Variants in HS3ST1 observed in about 807,000 individuals in gnomAD.
HS3ST1 encodes the protein heparan sulfate-glucosamine 3-sulfotransferase 1, also known as heparan sulfate glucosamine 3-O-sulfotransferase 1.
HS3ST1 carries 8 observed loss-of-function variants against 20.7 expected under a neutral mutation model. The ratio of observed to expected loss-of-function variants is 0.39; its 90% CI spans 0.23 to 0.70. The LOEUF is 0.70. Among genes scored for constraint, HS3ST1 ranks in the 30% least tolerant of loss-of-function variants. The probability of loss-of-function intolerance (pLI) is 0.46; values close to 1 mark genes in which losing one functional copy is unlikely to be tolerated. For synonymous variants in HS3ST1, 205 were observed against 190.4 expected (o/e 1.08, Z -0.63); for missense variants, 436 against 423.4 (o/e 1.03, Z -0.26).
At chr4:11,417,482 T>C (rs1008522771) in intron 1 of HS3ST1, among the ~76,000 whole-genome samples, 34 of 152,286 alleles carry the variant, frequency 2.2e-4, no homozygotes, top group African/African-American at 7.9e-4. Flanking sequence ...TTAAAAATCA[T>C]GGAAGAATAC....
rs1004292464 is a variant in HS3ST1 at position 11,393,796 on chromosome 4, G to A, written c.*5286C>T. The A allele has an allele frequency of 3.9e-5, 6 of 152,218 alleles. No homozygotes were observed. The highest frequency in any genetic ancestry group is 1.9e-4 in the East Asian group (1 of 5,186). 9.4% of individuals were successfully genotyped at this position (152,218 alleles called of 1,614,324 possible). A position where few individuals can be genotyped will look rare whatever the true frequency, so the allele number is the denominator to read the frequency against. ...TCCCACATGGGTCAGTCAATCATTAGTCATGCCCTAACCCTAGGAAAGCAG... is the reference window on the plus strand; with the variant it reads ...TCCCACATGGGTCAGTCAATCATTAATCATGCCCTAACCCTAGGAAAGCAG... On this transcript the variant is annotated 3_prime_UTR_variant, in exon 2 of 2. Transcript: ENST00000002596.
At chr4:11,424,466 G>C (rs143933406) in intron 1 of HS3ST1, among the ~76,000 whole-genome samples, 146 of 152,308 alleles carry the variant, frequency 9.6e-4, no homozygotes, top group African/African-American at 3.3e-3. Flanking sequence ...AGACAGGCCT[G>C]AAGATGAATG....
chr4:11,428,225 G>A (rs1467962947), intron 1 of HS3ST1, among the ~76,000 whole-genome samples: 3 of 152,220 alleles, frequency 2.0e-5, no homozygotes, highest in South Asian at 2.1e-4. Context: ...CCCGACCAAG[G>A]CTTCTCCACC....
At position 11,399,136 on chromosome 4, in the gene HS3ST1, A is replaced by T. The variant is rs1360121288; in HGVS notation, c.870T>A (p.His290Gln). The T allele has an allele frequency of 6.2e-7, 1 of 1,614,112 alleles. No homozygotes were observed. Among genetic ancestry groups the T allele is most frequent in the South Asian group, 1.1e-5 (1 of 91,076 alleles). ...KLLNKLHEYF[H>Q]EPNKKFFELV... ...GCTCGAAGAACTTCTTATTTGGCTC[A>T]TGAAAATATTCGTGCAGTTTATTGA... The change falls in exon 2 of 2, where the codon CAT (histidine) becomes CAA (glutamine). Residue 290 changes from histidine to glutamine, a missense_variant. Coordinates refer to ENST00000002596, the MANE Select transcript of HS3ST1 (RefSeq NM_005114.4). This position sits in a 1 kb window ranked among gnomAD's most constrained non-coding sequence, Gnocchi z 5.1.
rs1718195684 is a variant in HS3ST1, at chr4:11,398,375, G to A, written c.*707C>T. 1 of 152,146 alleles carries A rather than the reference G, an allele frequency of 6.6e-6. No individual in the cohort carries two copies. Among genetic ancestry groups the A allele is most frequent in the African/African-American group, 2.4e-5 (1 of 41,418 alleles). The allele number at this position is 152,146 out of a possible 1,614,324, so 9.4% of individuals were successfully genotyped here. A position where few individuals can be genotyped will look rare whatever the true frequency, so the allele number is the denominator to read the frequency against. On this transcript the variant is annotated 3_prime_UTR_variant, in exon 2 of 2. Transcript: ENST00000002596. ...GTCCAAGATCATTCTGAAGGCCAAG[G>A]GTTTAATCCTCTTTATTATAACTGC...
intron 1 of HS3ST1, chr4:11,414,233 C>G (rs1718708889): frequency 6.6e-6 from 1 of 152,224 alleles, no homozygotes; most frequent in African/African-American, 2.4e-5. Flanking sequence ...GCAAGGTTCA[C>G]TCATCAAGTC....
At chr4:11,415,803 G>C (rs999920080) in intron 1 of HS3ST1, among the ~76,000 whole-genome samples, 1 of 152,178 alleles carries the variant, frequency 6.6e-6, no homozygotes, top group Non-Finnish European at 1.5e-5. Flanking sequence ...GCAAGAAAAA[G>C]GAGCAGGTGA....
chr4:11,399,230 T>C lies in HS3ST1; in HGVS notation c.776A>G (p.Asp259Gly), dbSNP rs1367229534. ...ATGTAAGCAGCGGTCCCGGCCGCTG[T>C]CCCGCAGGCAGTAAAAGCCCTTGGT... is the stretch of plus-strand genomic sequence containing the variant. The part of the protein sequence containing the change: ...NKTKGFYCLR[D>G]SGRDRCLHES... The change falls in exon 2 of 2, where the codon GAC (aspartate) becomes GGC (glycine). Residue 259 changes from aspartate to glycine, a missense_variant. Asp to Gly is a moderately conservative substitution (Grantham distance 94, BLOSUM62 -1). Transcript: ENST00000002596. The surrounding 1 kb of genome is among the most constrained non-coding windows in gnomAD (Gnocchi z 5.1). 6.2e-7 allele frequency: 1 copy of C among 1,614,166 alleles called. No individual in the cohort carries two copies. The highest frequency in any genetic ancestry group is 2.2e-5 in the East Asian group (1 of 44,876).
Position 11,397,359 on chromosome 4 carries a change from CGT to C in HS3ST1, c.*1721_*1722del, listed in dbSNP as rs1373350419. 2 of 152,502 alleles carry C rather than the reference CGT, an allele frequency of 1.3e-5. No individual in the cohort carries two copies. Among genetic ancestry groups the C allele is most frequent in the Non-Finnish European group, 2.9e-5 (2 of 68,288 alleles). The allele number at this position is 152,502 out of a possible 1,614,324, so 9.4% of individuals were successfully genotyped here. A position where few individuals can be genotyped will look rare whatever the true frequency, so the allele number is the denominator to read the frequency against. On this transcript the variant is annotated 3_prime_UTR_variant, in exon 2 of 2. Coordinates refer to ENST00000002596, the MANE Select transcript of HS3ST1 (RefSeq NM_005114.4). The stretch of plus-strand genomic sequence containing the variant: ...TCAGGTCAGGCTGGAGCTGCTGAAA[CGT>C]ACCAAGGTGACTCACTTCCCTGATA...
chr4:11,414,405 A>G (rs528508695), intron 1 of HS3ST1, among the ~76,000 whole-genome samples: 18 of 152,164 alleles, frequency 1.2e-4, no homozygotes, highest in Admixed American at 2.0e-4. Flanking sequence ...TCTCAAGGTC[A>G]TCAGCACATT....
rs1253451823 is a variant in HS3ST1 at position 11,395,985 on chromosome 4, G to A, written c.*3097C>T. 1 of 152,170 alleles carries A rather than the reference G, an allele frequency of 6.6e-6. No individual in the cohort carries two copies. The highest frequency in any genetic ancestry group is 2.4e-5 in the African/African-American group (1 of 41,440). 9.4% of individuals were successfully genotyped at this position (152,170 alleles called of 1,614,324 possible). A position where few individuals can be genotyped will look rare whatever the true frequency, so the allele number is the denominator to read the frequency against. ...CAGTTAATGACTACTGGTTCCTGTT[G>A]TATTTTCTTTTTATATTCTTGAGGA... is the stretch of plus-strand genomic sequence containing the variant. On this transcript the variant is annotated 3_prime_UTR_variant, in exon 2 of 2. Transcript: ENST00000002596.
upstream of HS3ST1, among the ~76,000 whole-genome samples, chr4:11,431,752 A>G (rs1719211190): frequency 6.6e-6 from 1 of 152,222 alleles, no homozygotes; most frequent in Admixed American, 6.5e-5. Flanking sequence ...ATAATCAGTA[A>G]TAATACCAGC....
intron 1 of HS3ST1, among the ~76,000 whole-genome samples, chr4:11,424,567 G>C (rs1177858400): frequency 6.6e-6 from 1 of 152,124 alleles, no homozygotes; most frequent in African/African-American, 2.4e-5. Flanking sequence ...TCTAGGAATT[G>C]CTGAGAAGCT....
Position 11,399,944 on chromosome 4 carries a change from C to T in HS3ST1, c.62G>A (p.Arg21His), listed in dbSNP as rs764134509. 7.6e-6 allele frequency: 12 copies of T among 1,571,238 alleles called. No individual in the cohort carries two copies. Among genetic ancestry groups the T allele is most frequent in the East Asian group, 4.7e-5 (2 of 42,584 alleles). ...CTCCTGCTGGCCTAGCTCGGCGGGGCGGGAAGGCACTAGCTGGGGCTGGGC... is the reference window on the plus strand; with the variant it reads ...CTCCTGCTGGCCTAGCTCGGCGGGGTGGGAAGGCACTAGCTGGGGCTGGGC... The part of the protein sequence containing the change: ...LVAQPQLVPS[R>H]PAELGQQELL... The change falls in exon 2 of 2, where the codon CGC becomes CAC. Residue 21 changes from arginine to histidine, a missense_variant. Coordinates refer to ENST00000002596, the MANE Select transcript of HS3ST1 (RefSeq NM_005114.4). The surrounding 1 kb of genome is among the most constrained non-coding windows in gnomAD (Gnocchi z 5.1).
chr4:11,426,363 G>GA (rs549799495), intron 1 of HS3ST1, among the ~76,000 whole-genome samples: 2 of 146,008 alleles, frequency 1.4e-5, no homozygotes, highest in East Asian at 4.0e-4. Context: ...CCCTTCAGAG[G>GA]CCCCCCCCCC....
In HS3ST1 at chr4:11,426,324, A is replaced by C. The variant is rs532518660; in HGVS notation, c.-109+2375T>G. Among the ~76,000 whole-genome samples, 165 of 151,782 alleles carry C rather than the reference A, an allele frequency of 1.1e-3. No individual in the cohort carries two copies. In the Middle Eastern group the frequency reaches 0.014, roughly 13 times the overall value. On this transcript the variant is annotated intron_variant, in intron 1 of 1. Transcript: ENST00000002596. ...CCTAGTCACCATCGAGTTTCAATTC[A>C]AGGCAAGAGAAGCTTCCATGTGGCT...
chr4:11,430,958 A>G (rs224488), upstream of HS3ST1, among the ~76,000 whole-genome samples: 93,182 of 152,084 alleles, frequency 0.61, 29,337 homozygotes, highest in African/African-American at 0.76. Flanking sequence ...TTTTATGTGT[A>G]TGTCCAGGCA....
upstream of HS3ST1, chr4:11,429,643 C>CTTTGTTTTTTTTTTTTTTTTTTTTTTTTT (rs1719163672): frequency 2.1e-5 from 1 of 47,232 alleles, no homozygotes; most frequent in Non-Finnish European, 3.7e-5. Flanking sequence ...GAAAATTCAG[C>CTTTGTTTTTTTTTTTTTTTTTTTTTTTTT]TTTTTTTTTT....
chr4:11,420,584 G>A (rs536295505), intron 1 of HS3ST1, among the ~76,000 whole-genome samples: 8 of 152,300 alleles, frequency 5.3e-5, no homozygotes, highest in Admixed American at 5.2e-4. Context: ...CTATCTTAGC[G>A]GAACGAACAC....
Sources: allele counts gnomAD v4.1 joint callset (sites outside exome capture counted in the v4.1 genomes callset), GRCh38; gene constraint gnomAD v4.1.1; non-coding constraint Gnocchi (gnomAD v3.1); transcripts MANE v1.5; gene names NCBI Gene and HGNC (gene_info 2026-07-23, HGNC 2026-07-21).